PPARGC1A: variants seen among roughly 807,000 people sequenced by gnomAD.
PPARGC1A encodes the protein peroxisome proliferator-activated receptor gamma coactivator 1-alpha.
Under a neutral mutation model 88.7 loss-of-function variants are expected in PPARGC1A, and 25 were observed. That is an observed-to-expected ratio of 0.28 (90% CI 0.21 to 0.39). The LOEUF (loss-of-function observed/expected upper bound fraction) is 0.39, where lower values mean the gene tolerates loss of function less well. Among genes scored for constraint, PPARGC1A ranks in the 10% least tolerant of loss-of-function variants. PPARGC1A has a pLI of 1.00. For missense variants in PPARGC1A, 880 were observed against 968.7 expected, an observed-to-expected ratio of 0.91 and a Z score of 1.22; for synonymous variants, 363 against 355.6, an observed-to-expected ratio of 1.02 and a Z score of -0.24.
chr4:24,097,454 T>G, the PPARGC1A span, among the ~76,000 whole-genome samples: 1 of 152,178 alleles, frequency 6.6e-6, no homozygotes, highest in African/African-American at 2.4e-5. Context: ...CCACTTTAAC[T>G]TCACCTCAAT....
At chr4:23,894,504 T>G (rs2148864684), upstream of PPARGC1A, among the ~76,000 whole-genome samples, 1 of 151,914 alleles carries the variant, frequency 6.6e-6, no homozygotes, top group Middle Eastern at 3.4e-3. Flanking sequence ...AAAGAACCTT[T>G]GAGGAAATAA....
chr4:24,220,085 A>G, the PPARGC1A span, among the ~76,000 whole-genome samples: 1 of 152,260 alleles, frequency 6.6e-6, no homozygotes, highest in Non-Finnish European at 1.5e-5. Context: ...GCACTTCTCA[A>G]AAGAAGACAT....
the PPARGC1A span, among the ~76,000 whole-genome samples, chr4:24,292,259 G>A: frequency 2.0e-5 from 3 of 152,034 alleles, no homozygotes; most frequent in Admixed American, 6.5e-5. Context: ...GAGAACTCTC[G>A]CGGGTTGCTT....
At chr4:23,911,343 T>C in the PPARGC1A span, among the ~76,000 whole-genome samples, 1 of 152,170 alleles carries the variant, frequency 6.6e-6, no homozygotes, top group South Asian at 2.1e-4. Flanking sequence ...TTTACAAATA[T>C]AAACAAAATA....
the PPARGC1A span, among the ~76,000 whole-genome samples, chr4:24,167,753 T>C: frequency 6.6e-6 from 1 of 152,076 alleles, no homozygotes; most frequent in African/African-American, 2.4e-5. Flanking sequence ...TTCTGTTTGT[T>C]GTTTTTAGGG....
At chr4:24,314,081 T>C in the PPARGC1A span, among the ~76,000 whole-genome samples, 2 of 152,158 alleles carry the variant, frequency 1.3e-5, no homozygotes, top group African/African-American at 4.8e-5. Flanking sequence ...CCTAAAACAA[T>C]AGTTCAAAGA....
chr4:24,203,845 A>C, the PPARGC1A span, among the ~76,000 whole-genome samples: 4 of 152,272 alleles, frequency 2.6e-5, no homozygotes, highest in Non-Finnish European at 5.9e-5. Flanking sequence ...ACTCAGATGC[A>C]GTGGACTTGA....
the PPARGC1A span, among the ~76,000 whole-genome samples, chr4:23,913,267 T>TATAG: frequency 1.9e-4 from 15 of 77,500 alleles, no homozygotes; most frequent in South Asian, 5.0e-4. Context: ...TATATATATA[T>TATAG]AGAGAGAGAG....
the PPARGC1A span, among the ~76,000 whole-genome samples, chr4:23,913,256 A>ATATATATTATATATTT: frequency 2.2e-5 from 1 of 44,698 alleles, no homozygotes; most frequent in African/African-American, 8.6e-5. Flanking sequence ...ATATATATAT[A>ATATATATTATATATTT]TATATATATA....
the PPARGC1A span, among the ~76,000 whole-genome samples, chr4:24,366,018 A>T: frequency 6.6e-6 from 1 of 152,224 alleles, no homozygotes; most frequent in African/African-American, 2.4e-5. Context: ...AGTAAGGGAA[A>T]GCAAGGAGCT....
At chr4:24,221,644 A>C in the PPARGC1A span, among the ~76,000 whole-genome samples, 1 of 152,230 alleles carries the variant, frequency 6.6e-6, no homozygotes, top group Non-Finnish European at 1.5e-5. Flanking sequence ...GCAGTGACTC[A>C]GGCCTGTAAT....
chr4:23,953,846 A>T, the PPARGC1A span, among the ~76,000 whole-genome samples: 3 of 152,058 alleles, frequency 2.0e-5, no homozygotes, highest in South Asian at 4.1e-4. Context: ...ACATTGTCAC[A>T]TGTGGAAAAC....
chr4:24,055,593 A>T, the PPARGC1A span, among the ~76,000 whole-genome samples: 3 of 152,368 alleles, frequency 2.0e-5, no homozygotes, highest in Admixed American at 2.0e-4. Flanking sequence ...AATTATGTTA[A>T]CTTGGCAGAA....
At chr4:24,023,673 C>A in the PPARGC1A span, among the ~76,000 whole-genome samples, 6 of 152,312 alleles carry the variant, frequency 3.9e-5, no homozygotes, top group Non-Finnish European at 7.3e-5. Context: ...ATAAAAGCAT[C>A]CCCTTACCTT....
the PPARGC1A span, among the ~76,000 whole-genome samples, chr4:24,361,630 T>TA: frequency 6.6e-6 from 1 of 152,198 alleles, no homozygotes; most frequent in African/African-American, 2.4e-5. Context: ...CTTTTTAGCT[T>TA]AAAACAATCC....
chr4:24,194,694 G>T, the PPARGC1A span, among the ~76,000 whole-genome samples: 1 of 150,194 alleles, frequency 6.7e-6, no homozygotes, highest in African/African-American at 2.5e-5. Flanking sequence ...TACTCAATTT[G>T]CCTCTTCAAA....
chr4:24,028,090 C>T, the PPARGC1A span, among the ~76,000 whole-genome samples: 1 of 150,414 alleles, frequency 6.6e-6, no homozygotes, highest in Non-Finnish European at 1.5e-5. Flanking sequence ...TGGAATTTAA[C>T]ACCAGGCATT....
At chr4:24,099,721 T>C in the PPARGC1A span, among the ~76,000 whole-genome samples, 4 of 151,990 alleles carry the variant, frequency 2.6e-5, no homozygotes, top group Non-Finnish European at 5.9e-5. Context: ...AAAATGTAAG[T>C]TGGGGAGGGG....
the PPARGC1A span, among the ~76,000 whole-genome samples, chr4:24,015,275 T>C: frequency 2.6e-5 from 4 of 152,056 alleles, no homozygotes; most frequent in Non-Finnish European, 5.9e-5. Context: ...GAGATAGAGA[T>C]AGAGATAGAG....
Sources: gnomAD v4.1 joint callset for allele counts (sites outside exome capture counted in the v4.1 genomes callset) on GRCh38, gnomAD v4.1.1 for gene constraint, MANE v1.5 for transcripts, NCBI Gene and HGNC (gene_info 2026-07-23, HGNC 2026-07-21) for gene names.